The following PDZRN3 variants were observed in gnomAD, a reference collection of about 807,000 sequenced individuals.
PDZRN3 encodes PDZ domain containing ring finger 3.
Under a neutral mutation model 85.7 loss-of-function variants are expected in PDZRN3, and 38 were observed. The ratio of observed to expected loss-of-function variants is 0.44; its 90% CI spans 0.34 to 0.58. The LOEUF (loss-of-function observed/expected upper bound fraction) is 0.58. Among genes scored for constraint, PDZRN3 ranks in the 20% least tolerant of loss-of-function variants. The pLI, the probability that PDZRN3 is intolerant of heterozygous loss-of-function variation, is 0.01. For missense variants in PDZRN3, 1,629 were observed against 1,506.4 expected (o/e 1.08, Z -1.35); for synonymous variants, 759 against 638.0 (o/e 1.19, Z -2.86).
In PDZRN3 at chr3:73,608,718, A is replaced by G. The variant is rs774457225; in HGVS notation, c.724-34T>C. The G allele has an allele frequency of 8.4e-6, 11 of 1,311,090 alleles. No individual in the cohort carries two copies. In the East Asian group the frequency reaches 2.4e-4, roughly 29 times the overall value. 81.2% of individuals were successfully genotyped at this position (1,311,090 alleles called of 1,614,324 possible). Reference sequence around the variant, plus strand: ...AACAAATGAGATCAAACTTTTATTTACCAACAGGGAATAGATGGTAGGAAT... The same window carrying G: ...AACAAATGAGATCAAACTTTTATTTGCCAACAGGGAATAGATGGTAGGAAT... On this transcript the variant is annotated intron_variant, in intron 1 of 9. Coordinates refer to ENST00000263666, the MANE Select transcript of PDZRN3 (RefSeq NM_015009.3).
At chr3:73,511,274 G>C (rs1255219913) in intron 3 of PDZRN3, among the ~76,000 whole-genome samples, 1 of 152,110 alleles carries the variant, frequency 6.6e-6, no homozygotes, top group Non-Finnish European at 1.5e-5. Flanking sequence ...ACTGAAGAAG[G>C]CTCCCGCCAA....
intron 3 of PDZRN3, among the ~76,000 whole-genome samples, chr3:73,495,038 T>A (rs1344532927): frequency 6.6e-6 from 1 of 152,166 alleles, no homozygotes; most frequent in East Asian, 1.9e-4. Context: ...GACAGAGGAA[T>A]GCAAATGCTG....
At chr3:73,553,411 T>TA (rs1022123287) in intron 3 of PDZRN3, among the ~76,000 whole-genome samples, 3 of 151,480 alleles carry the variant, frequency 2.0e-5, no homozygotes, top group African/African-American at 7.3e-5. Flanking sequence ...CCATCTCTAC[T>TA]AAAAAATACA....
chr3:73,576,495 T>G (rs1313319492), intron 3 of PDZRN3, among the ~76,000 whole-genome samples: 3 of 152,146 alleles, frequency 2.0e-5, no homozygotes, highest in Admixed American at 1.3e-4. Context: ...ATGTACTTTT[T>G]CTTTCTGTAT....
intron 3 of PDZRN3, among the ~76,000 whole-genome samples, chr3:73,441,700 T>C (rs1702639926): frequency 6.6e-6 from 1 of 152,156 alleles, no homozygotes; most frequent in South Asian, 2.1e-4. Flanking sequence ...CCAAAGCAAG[T>C]AAGACCTTAC....
At chr3:73,432,068 C>T (rs1428732813) in intron 3 of PDZRN3, among the ~76,000 whole-genome samples, 1 of 152,196 alleles carries the variant, frequency 6.6e-6, no homozygotes, top group Non-Finnish European at 1.5e-5. Flanking sequence ...TTAAAAACTA[C>T]CTTTTGACTT....
At chr3:73,563,065 C>T (rs1331590607) in intron 3 of PDZRN3, among the ~76,000 whole-genome samples, 2 of 122,636 alleles carry the variant, frequency 1.6e-5, no homozygotes, top group African/African-American at 3.2e-5. Context: ...GTTGCTCAGG[C>T]TGGAGTGCTG....
chr3:73,548,483 A>G (rs1003786538), intron 3 of PDZRN3, among the ~76,000 whole-genome samples: 5 of 152,220 alleles, frequency 3.3e-5, no homozygotes, highest in African/African-American at 1.2e-4. Context: ...GGCTTTTTGA[A>G]GCACACACCC....
intron 3 of PDZRN3, among the ~76,000 whole-genome samples, chr3:73,431,629 G>A (rs898971941): frequency 6.6e-6 from 1 of 152,152 alleles, no homozygotes; most frequent in Non-Finnish European, 1.5e-5. Flanking sequence ...GAGCAGGGGG[G>A]ATTTTACTTA....
At chr3:73,617,519 T>A (rs995717520) in intron 1 of PDZRN3, among the ~76,000 whole-genome samples, 3 of 152,168 alleles carry the variant, frequency 2.0e-5, no homozygotes, top group Non-Finnish European at 4.4e-5. Flanking sequence ...GTTTTACCTT[T>A]CTATCCAATG....
intron 3 of PDZRN3, among the ~76,000 whole-genome samples, chr3:73,529,472 A>T (rs1311500279): frequency 6.6e-6 from 1 of 152,206 alleles, no homozygotes; most frequent in African/African-American, 2.4e-5. Flanking sequence ...CCCCTGCTAC[A>T]GTGAGAACGT....
At chr3:73,476,463 C>A (rs1703450596) in intron 3 of PDZRN3, among the ~76,000 whole-genome samples, 1 of 152,124 alleles carries the variant, frequency 6.6e-6, no homozygotes, top group African/African-American at 2.4e-5. Flanking sequence ...CCACCTGGAC[C>A]CCCCTTCAAC....
chr3:73,483,042 C>A (rs1480620736), intron 3 of PDZRN3, among the ~76,000 whole-genome samples: 1 of 152,200 alleles, frequency 6.6e-6, no homozygotes, highest in East Asian at 1.9e-4. Context: ...GCATGCCTTG[C>A]CTTTGCTTTA....
At chr3:73,611,805 CAGAT>C (rs756456204) in intron 1 of PDZRN3, among the ~76,000 whole-genome samples, 2 of 152,140 alleles carry the variant, frequency 1.3e-5, no homozygotes, top group Non-Finnish European at 2.9e-5. Context: ...AGATTGTAAA[CAGAT>C]AGTCTTCATA....
intron 1 of PDZRN3, among the ~76,000 whole-genome samples, chr3:73,609,440 C>G (rs1360100845): frequency 6.6e-6 from 1 of 152,120 alleles, no homozygotes. Context: ...CTAACACTCT[C>G]AAGTGACAGC....
At chr3:73,451,795 T>C (rs1336196231) in intron 3 of PDZRN3, among the ~76,000 whole-genome samples, 1 of 152,204 alleles carries the variant, frequency 6.6e-6, no homozygotes, top group East Asian at 1.9e-4. Flanking sequence ...TACTATCATA[T>C]GATAGGTCAT....
intron 3 of PDZRN3, among the ~76,000 whole-genome samples, chr3:73,465,639 T>C (rs1472408951): frequency 6.6e-6 from 1 of 152,242 alleles, no homozygotes; most frequent in Non-Finnish European, 1.5e-5. Flanking sequence ...TGTACATTAT[T>C]TGTGTTTAGT....
chr3:73,510,181 T>C lies in PDZRN3; in HGVS notation c.918+92173A>G, dbSNP rs549442611. Reference sequence around the variant, plus strand: ...ATTCAACAGGATCCCTACTGCACGCTTTCTGCCTCCTGTAGCTAACTCTGT... The same window carrying C: ...ATTCAACAGGATCCCTACTGCACGCCTTCTGCCTCCTGTAGCTAACTCTGT... On this transcript the variant is annotated intron_variant, in intron 3 of 9. Transcript: ENST00000263666. Among the ~76,000 whole-genome samples the C allele has an allele frequency of 1.3e-3, 200 of 152,352 alleles. 1 individual carries two copies. In the South Asian group the frequency reaches 0.016, roughly 12 times the overall value.
chr3:73,558,197 T>C (rs1204560616), intron 3 of PDZRN3, among the ~76,000 whole-genome samples: 2 of 139,464 alleles, frequency 1.4e-5, no homozygotes, highest in Admixed American at 1.5e-4. Context: ...CTCTATACCA[T>C]GGAGGGAAAG....
Sources: gnomAD v4.1 joint callset for allele counts (sites outside exome capture counted in the v4.1 genomes callset) on GRCh38, gnomAD v4.1.1 for gene constraint, MANE v1.5 for transcripts, NCBI Gene and HGNC (gene_info 2026-07-23, HGNC 2026-07-21) for gene names.